Variants in DLGAP1 observed in about 807,000 individuals in gnomAD.
DLGAP1 encodes the protein disks large-associated protein 1.
In DLGAP1, 11 loss-of-function variants were observed where a neutral mutation model predicts 90.8. The observed-to-expected ratio is 0.12, with a 90% CI of 0.08 to 0.20. The LOEUF is 0.20. Ranked by LOEUF, DLGAP1 falls within the 10% of genes least tolerant of loss-of-function variation. The pLI, the probability that DLGAP1 is intolerant of heterozygous loss-of-function variation, is 1.00. For missense variants in DLGAP1, 1,050 were observed against 1,333.8 expected (o/e 0.79, Z 3.31); for synonymous variants, 558 against 540.7 (o/e 1.03, Z -0.44).
At chr18:3,595,211 A>G (rs1057229468) in intron 7 of DLGAP1, among the ~76,000 whole-genome samples, 1 of 152,224 alleles carries the variant, frequency 6.6e-6, no homozygotes, top group Non-Finnish European at 1.5e-5. Flanking sequence ...CCCTCTGGCT[A>G]TGTTAACTGG....
chr18:4,366,598 A>G (rs1203773935), intron 1 of DLGAP1, among the ~76,000 whole-genome samples: 11 of 152,092 alleles, frequency 7.2e-5, no homozygotes, highest in African/African-American at 2.4e-4. Context: ...AAAGTCTGAA[A>G]AGAATCCTTA....
intron 8 of DLGAP1, among the ~76,000 whole-genome samples, chr18:3,572,817 A>T (rs1320297743): frequency 6.6e-6 from 1 of 152,144 alleles, no homozygotes; most frequent in Non-Finnish European, 1.5e-5. Context: ...ATTTTTACCA[A>T]ATGCAATAGT....
At chr18:3,627,085 T>A (rs987964384) in intron 7 of DLGAP1, among the ~76,000 whole-genome samples, 1 of 152,174 alleles carries the variant, frequency 6.6e-6, no homozygotes, top group Admixed American at 6.5e-5. Flanking sequence ...ATGAAAGTAC[T>A]GCTAACATTT....
chr18:4,453,113 C>T (rs147523147), intron 1 of DLGAP1, among the ~76,000 whole-genome samples: 93 of 152,112 alleles, frequency 6.1e-4, no homozygotes, highest in African/African-American at 1.6e-3. Context: ...TTTATATCTG[C>T]GACTAGGGGT....
chr18:4,043,555 TATTTA>T (rs1304633212), intron 2 of DLGAP1, among the ~76,000 whole-genome samples: 1 of 151,962 alleles, frequency 6.6e-6, no homozygotes, highest in Non-Finnish European at 1.5e-5. Context: ...CTTATTTATT[TATTTA>T]TTTATTTTTG....
intron 2 of DLGAP1, among the ~76,000 whole-genome samples, chr18:4,010,500 A>G (rs2074395296): frequency 6.6e-6 from 1 of 152,192 alleles, no homozygotes; most frequent in African/African-American, 2.4e-5. Flanking sequence ...GTGAGCCATG[A>G]TCGCGTCACT....
chr18:4,089,886 A>G (rs2075745769), intron 2 of DLGAP1, among the ~76,000 whole-genome samples: 1 of 152,146 alleles, frequency 6.6e-6, no homozygotes, highest in South Asian at 2.1e-4. Context: ...TCTACTAAAA[A>G]CACAAAAAAT....
intron 2 of DLGAP1, among the ~76,000 whole-genome samples, chr18:4,036,110 G>C (rs866074448): frequency 6.6e-6 from 1 of 152,124 alleles, no homozygotes; most frequent in Non-Finnish European, 1.5e-5. Context: ...AGTTCCATTT[G>C]CAAGTTCTAT....
intron 8 of DLGAP1, chr18:3,580,879 A>T (rs2055462423): frequency 1.0e-6 from 1 of 994,246 alleles, no homozygotes; most frequent in African/African-American, 1.6e-5. Flanking sequence ...TGTACCCTGC[A>T]GTAGCGTCTG....
At chr18:3,885,600 CTT>C (rs2071290229) in intron 3 of DLGAP1, among the ~76,000 whole-genome samples, 1 of 152,222 alleles carries the variant, frequency 6.6e-6, no homozygotes, top group African/African-American at 2.4e-5. Flanking sequence ...AGGCCTTGTT[CTT>C]TGAGCAAGGA....
chr18:3,904,606 T>C lies in DLGAP1; in HGVS notation c.-72-24466A>G, dbSNP rs911314107. The stretch of plus-strand genomic sequence containing the variant: ...TGGGTTTTTAGTGATGATTAAAGAA[T>C]CTATTCAAACCAGGAGAAAATGCTC... On this transcript the variant is annotated intron_variant, in intron 3 of 12. Coordinates refer to ENST00000315677, the MANE Select transcript of DLGAP1 (RefSeq NM_004746.4). Among the ~76,000 whole-genome samples the C allele has an allele frequency of 3.7e-4, 57 of 152,206 alleles. 1 individual carries two copies. Among genetic ancestry groups the C allele is most frequent in the African/African-American group, 1.4e-3 (57 of 41,456 alleles).
chr18:4,365,771 T>A (rs1452080140), intron 1 of DLGAP1, among the ~76,000 whole-genome samples: 1 of 152,164 alleles, frequency 6.6e-6, no homozygotes, highest in South Asian at 2.1e-4. Context: ...CCTCTTCTAA[T>A]TTTACTCACT....
At chr18:4,388,697 C>G (rs145168794) in intron 1 of DLGAP1, among the ~76,000 whole-genome samples, 1 of 152,150 alleles carries the variant, frequency 6.6e-6, no homozygotes, top group Admixed American at 6.5e-5. Flanking sequence ...TACTCTCCCC[C>G]ACCCGCTGGC....
In DLGAP1 at chr18:3,567,474, G is replaced by A. The variant is rs534513774; in HGVS notation, c.2057+16C>T. 3.7e-6 allele frequency: 6 copies of A among 1,602,024 alleles called. No individual in the cohort carries two copies. In the African/African-American group the frequency reaches 4.0e-5, roughly 11 times the overall value. ...AAAACATCAAGACAAAAGAGGATGC[G>A]TGCATGTGGACTTACCACTTCTCTT... On this transcript the variant is annotated intron_variant, in intron 9 of 12. Coordinates refer to ENST00000315677, the MANE Select transcript of DLGAP1 (RefSeq NM_004746.4).
chr18:4,071,325 ATCTT>A (rs758593301), intron 2 of DLGAP1, among the ~76,000 whole-genome samples: 1 of 152,160 alleles, frequency 6.6e-6, no homozygotes, highest in African/African-American at 2.4e-5. Flanking sequence ...CTGGATTGGA[ATCTT>A]TCTTTGGGAA....
At chr18:3,843,226 T>C (rs1024744888) in intron 4 of DLGAP1, among the ~76,000 whole-genome samples, 18 of 152,200 alleles carry the variant, frequency 1.2e-4, no homozygotes, top group African/African-American at 4.1e-4. Flanking sequence ...ATGCCTTGCA[T>C]TTGGCATTGC....
intron 2 of DLGAP1, among the ~76,000 whole-genome samples, chr18:4,061,966 T>C (rs1274999328): frequency 6.6e-6 from 1 of 152,144 alleles, no homozygotes; most frequent in African/African-American, 2.4e-5. Context: ...GATTGTGACA[T>C]TAAAATGGAG....
At chr18:4,074,435 C>A (rs754773673) in intron 2 of DLGAP1, among the ~76,000 whole-genome samples, 6 of 151,962 alleles carry the variant, frequency 3.9e-5, no homozygotes, top group Non-Finnish European at 7.4e-5. Context: ...TCTATTATTG[C>A]AGAAATAATT....
intron 7 of DLGAP1, among the ~76,000 whole-genome samples, chr18:3,620,817 C>G (rs2058069777): frequency 6.6e-6 from 1 of 152,166 alleles, no homozygotes; most frequent in South Asian, 2.1e-4. Context: ...CTCGGCCTCC[C>G]AAAGTGTTGG....
Sources: gnomAD v4.1 joint callset for allele counts (sites outside exome capture counted in the v4.1 genomes callset) on GRCh38, gnomAD v4.1.1 for gene constraint, MANE v1.5 for transcripts, NCBI Gene and HGNC (gene_info 2026-07-23, HGNC 2026-07-21) for gene names.